Variants in ULK4 observed in about 807,000 individuals in gnomAD.
ULK4 encodes inactive serine/threonine-protein kinase ULK4.
Under a neutral mutation model 160.6 loss-of-function variants are expected in ULK4, and 133 were observed. The ratio of observed to expected loss-of-function variants is 0.83; its 90% CI spans 0.72 to 0.96. The LOEUF is 0.96. Ranked by LOEUF, ULK4 falls within the 40% of genes least tolerant of loss-of-function variation. The pLI, the probability that ULK4 is intolerant of heterozygous loss-of-function variation, is 0.00. For synonymous variants in ULK4, 534 were observed against 539.8 expected (o/e 0.99, Z 0.15); for missense variants, 1,580 against 1,499.5 (o/e 1.05, Z -0.89).
chr3:41,247,087 A>C, intron 36 of ULK4, 95 bp from the exon 37 acceptor site: 1 of 1,179,040 alleles, frequency 8.5e-7, no homozygotes, highest in Non-Finnish European at 1.2e-6. Flanking sequence ...GCACCCGAGT[A>C]TCTGGTGGAC....
intron 30 of ULK4, among the ~76,000 whole-genome samples, chr3:41,653,424 G>A (rs2034820628): frequency 6.6e-6 from 1 of 152,154 alleles, no homozygotes; most frequent in African/African-American, 2.4e-5. Context: ...GGCATGGTAT[G>A]CCCTTCCTCT....
intron 27 of ULK4, among the ~76,000 whole-genome samples, chr3:41,700,650 G>T (rs1277863029): frequency 6.6e-6 from 1 of 152,110 alleles, no homozygotes; most frequent in Non-Finnish European, 1.5e-5. Flanking sequence ...CCCGCTAATG[G>T]ATTTCAGGGA....
chr3:41,601,524 A>T (rs141613370), intron 31 of ULK4, among the ~76,000 whole-genome samples: 10 of 152,242 alleles, frequency 6.6e-5, no homozygotes, highest in Non-Finnish European at 1.3e-4. Flanking sequence ...GGTGAGAGGG[A>T]AACAGGGGAC....
intron 30 of ULK4, among the ~76,000 whole-genome samples, chr3:41,616,194 A>T (rs945917203): frequency 1.3e-5 from 2 of 152,230 alleles, no homozygotes; most frequent in African/African-American, 4.8e-5. Context: ...CACCTGGTAG[A>T]CACTAGGCAC....
At chr3:41,613,061 G>A (rs1317186326) in intron 31 of ULK4, among the ~76,000 whole-genome samples, 6 of 152,156 alleles carry the variant, frequency 3.9e-5, no homozygotes, top group South Asian at 4.1e-4. Context: ...AGTAGCAGCC[G>A]AGCATGCAGG....
chr3:41,450,291 C>T (rs369192375), intron 34 of ULK4, among the ~76,000 whole-genome samples: 14 of 152,244 alleles, frequency 9.2e-5, no homozygotes, highest in Admixed American at 5.2e-4. Flanking sequence ...TGGTTACCAA[C>T]TGAGGGTTTG....
intron 22 of ULK4, among the ~76,000 whole-genome samples, chr3:41,720,725 G>A (rs9864331): frequency 0.18 from 27,538 of 152,028 alleles, 2,588 homozygotes; most frequent in Middle Eastern, 0.32. Flanking sequence ...CCAACACTCA[G>A]AAAATTTGAC....
chr3:41,642,819 G>A (rs576005109), intron 30 of ULK4, among the ~76,000 whole-genome samples: 2 of 152,298 alleles, frequency 1.3e-5, no homozygotes, highest in Non-Finnish European at 2.9e-5. Context: ...GTGTAAAAGT[G>A]TTCCTATTTC....
At chr3:41,863,674 A>G (rs1206099144) in intron 17 of ULK4, among the ~76,000 whole-genome samples, 1 of 151,868 alleles carries the variant, frequency 6.6e-6, no homozygotes, top group Non-Finnish European at 1.5e-5. Context: ...GAATGCTGAC[A>G]GGACCGGGTC....
chr3:41,768,980 C>A (rs2039261986), intron 21 of ULK4, among the ~76,000 whole-genome samples: 1 of 152,082 alleles, frequency 6.6e-6, no homozygotes, highest in Admixed American at 6.6e-5. Context: ...CTAAGTCAAG[C>A]CATTATAGAT....
At chr3:41,306,271 C>T (rs1483513874) in intron 35 of ULK4, among the ~76,000 whole-genome samples, 2 of 119,908 alleles carry the variant, frequency 1.7e-5, no homozygotes, top group East Asian at 2.4e-4. Context: ...AGGTGAGGGG[C>T]GCCTCTGCCC....
chr3:41,675,934 G>A (rs1442646596), intron 29 of ULK4, among the ~76,000 whole-genome samples: 1 of 152,192 alleles, frequency 6.6e-6, no homozygotes, highest in Non-Finnish European at 1.5e-5. Flanking sequence ...TGTTATAGGA[G>A]CACTAAGAAA....
intron 22 of ULK4, among the ~76,000 whole-genome samples, chr3:41,721,027 A>C (rs1477610645): frequency 1.3e-5 from 2 of 152,052 alleles, no homozygotes; most frequent in East Asian, 1.9e-4. Flanking sequence ...TGTCAAAAAG[A>C]AGCAGCCCTT....
chr3:41,807,580 A>C (rs1478449865), intron 19 of ULK4, among the ~76,000 whole-genome samples: 1 of 152,182 alleles, frequency 6.6e-6, no homozygotes, highest in Non-Finnish European at 1.5e-5. Flanking sequence ...ACAAAACACA[A>C]GCGGTTTGAG....
intron 35 of ULK4, among the ~76,000 whole-genome samples, chr3:41,319,159 A>G (rs1158226317): frequency 6.6e-6 from 1 of 152,216 alleles, no homozygotes; most frequent in Admixed American, 6.5e-5. Context: ...TGCAGAGGCT[A>G]TGGCAACCTT....
intron 35 of ULK4, among the ~76,000 whole-genome samples, chr3:41,288,655 C>T (rs2079506589): frequency 6.6e-6 from 1 of 152,150 alleles, no homozygotes; most frequent in African/African-American, 2.4e-5. Flanking sequence ...TATATTTACT[C>T]ACTGATCAAA....
chr3:41,298,659 C>T (rs2079720857), intron 35 of ULK4, among the ~76,000 whole-genome samples: 1 of 152,092 alleles, frequency 6.6e-6, no homozygotes, highest in African/African-American at 2.4e-5. Flanking sequence ...AGTGATAACC[C>T]TGGGAAGGTT....
intron 35 of ULK4, among the ~76,000 whole-genome samples, chr3:41,316,276 C>G (rs1441781997): frequency 6.6e-6 from 1 of 152,152 alleles, no homozygotes; most frequent in Non-Finnish European, 1.5e-5. Flanking sequence ...TGAAAGAGGT[C>G]AGACAAAAGA....
intron 34 of ULK4, among the ~76,000 whole-genome samples, chr3:41,446,340 T>G (rs111553321): frequency 6.6e-6 from 1 of 152,016 alleles, no homozygotes; most frequent in Non-Finnish European, 1.5e-5. Flanking sequence ...GATCTAGAAC[T>G]AGAAATACCA....
Sources: allele counts gnomAD v4.1 joint callset (sites outside exome capture counted in the v4.1 genomes callset), GRCh38; gene constraint gnomAD v4.1.1; transcripts MANE v1.5; gene names NCBI Gene and HGNC (gene_info 2026-07-23, HGNC 2026-07-21).